DCANP1: variants seen among roughly 807,000 people sequenced by gnomAD.
DCANP1 encodes dendritic cell nuclear protein 1.
For synonymous variants in DCANP1, 139 were observed against 124.2 expected, an observed-to-expected ratio of 1.12 and a Z score of -0.79; for missense variants, 328 against 293.7, an observed-to-expected ratio of 1.12 and a Z score of -0.85.
In DCANP1 at chr5:135,445,638, TGTCTGCAAGGAACTTGAG is replaced by T. The variant is rs1769243186; in HGVS notation, c.*718_*735del. 1.3e-5 allele frequency: 2 copies of T among 152,360 alleles called. No homozygotes were observed. The highest frequency in any genetic ancestry group is 2.9e-5 in the Non-Finnish European group (2 of 68,140). 9.4% of individuals were successfully genotyped at this position (152,360 alleles called of 1,614,324 possible). Reference sequence around the variant, plus strand: ...ACAAGAGCCAACAACCCATGGCCTTTGTCTGCAAGGAACTTGAGGTCTCACCGGGCAGACAGGCACGGA... The same window carrying T: ...ACAAGAGCCAACAACCCATGGCCTTTGTCTCACCGGGCAGACAGGCACGGA... On this transcript the variant is annotated 3_prime_UTR_variant, in exon 1 of 1. Coordinates refer to ENST00000503143, the MANE Select transcript of DCANP1 (RefSeq NM_130848.3).
Position 135,446,223 on chromosome 5 carries a change from G to A in DCANP1, c.*151C>T, listed in dbSNP as rs1020050873. ...ATTCAGTTACTTGTCCAGGATCACA[G>A]AACTATAGTAAGTGGGGGTGGGGAC... is the stretch of plus-strand genomic sequence containing the variant. On this transcript the variant is annotated 3_prime_UTR_variant, in exon 1 of 1. Coordinates refer to ENST00000503143, the MANE Select transcript of DCANP1 (RefSeq NM_130848.3). 3.2e-6 allele frequency: 3 copies of A among 934,676 alleles called. No individual in the cohort carries two copies. The highest frequency in any genetic ancestry group is 4.8e-6 in the Non-Finnish European group (3 of 623,780). 57.9% of individuals were successfully genotyped at this position (934,676 alleles called of 1,614,324 possible).
Position 135,446,932 on chromosome 5 carries a change from A to T in DCANP1, c.177T>A (p.Pro59=). The change falls in exon 1 of 1, where the codon CCT becomes CCA. Residue 59 remains proline (P), a synonymous_variant. Coordinates refer to ENST00000503143, the MANE Select transcript of DCANP1 (RefSeq NM_130848.3). ...FGNELLPLSA[P]LQGLSEGLYP... ...AGAGACCCTCACTGAGGCCCTGGAG[A>T]GGGGCACTCAGGGGCAGCAGCTCAT... 1.9e-6 allele frequency: 3 copies of T among 1,612,570 alleles called. No homozygotes were observed. Among genetic ancestry groups the T allele is most frequent in the Non-Finnish European group, 2.5e-6 (3 of 1,179,246 alleles).
chr5:135,446,546 G>T, the DCANP1 span: 1 of 1,614,026 alleles, frequency 6.2e-7, no homozygotes, highest in Non-Finnish European at 8.5e-7. Flanking sequence ...AGGAGAAAGT[G>T]AAGGTGGGTG....
In DCANP1 at chr5:135,446,308, G is replaced by A. The variant is rs1417179569; in HGVS notation, c.*66C>T. On this transcript the variant is annotated 3_prime_UTR_variant, in exon 1 of 1. Transcript: ENST00000503143. ...GGCCCTAGCTGGGAGCAGCGTTCAT[G>A]TGCACTGTATGTTCGTGTTTAGTGT... 3.3e-6 allele frequency: 5 copies of A among 1,523,640 alleles called. No homozygotes were observed. The highest frequency in any genetic ancestry group is 3.5e-6 in the Non-Finnish European group (4 of 1,134,356). 94.4% of individuals were successfully genotyped at this position (1,523,640 alleles called of 1,614,324 possible).
At position 135,445,416 on chromosome 5, in the gene DCANP1, G is replaced by A. The variant is rs1769238860; in HGVS notation, c.*958C>T. On this transcript the variant is annotated 3_prime_UTR_variant, in exon 1 of 1. Transcript: ENST00000503143. Reference sequence around the variant, plus strand: ...GCAGAGACATTCACCTCCACTTCCTGTCTGCCCATGGCTTCGCGGCCTTCT... The same window carrying A: ...GCAGAGACATTCACCTCCACTTCCTATCTGCCCATGGCTTCGCGGCCTTCT... The A allele has an allele frequency of 6.5e-6, 1 of 152,674 alleles. No individual in the cohort carries two copies. 9.5% of individuals were successfully genotyped at this position (152,674 alleles called of 1,614,324 possible).
At position 135,444,708 on chromosome 5, in the gene DCANP1, C is replaced by T. The variant is rs939978860; in HGVS notation, c.*1666G>A. On this transcript the variant is annotated 3_prime_UTR_variant, in exon 1 of 1. Coordinates refer to ENST00000503143, the MANE Select transcript of DCANP1 (RefSeq NM_130848.3). ...CTCAGTGGGCGGTTGTGGAAAGAAT[C>T]GGTTCTCAGTTCCCATTCCAGCTCT... is the stretch of plus-strand genomic sequence containing the variant. The T allele has an allele frequency of 6.6e-6, 1 of 152,280 alleles. No individual in the cohort carries two copies. Among genetic ancestry groups the T allele is most frequent in the Admixed American group, 6.5e-5 (1 of 15,290 alleles). The allele number at this position is 152,280 out of a possible 1,614,324, so 9.4% of individuals were successfully genotyped here. A position where few individuals can be genotyped will look rare whatever the true frequency, so the allele number is the denominator to read the frequency against.
Position 135,447,239 on chromosome 5 carries a change from C to A in DCANP1, c.-131G>T. The A allele has an allele frequency of 1.8e-6, 2 of 1,109,624 alleles. No individual in the cohort carries two copies. Among genetic ancestry groups the A allele is most frequent in the Non-Finnish European group, 1.3e-6 (1 of 771,294 alleles). The allele number at this position is 1,109,624 out of a possible 1,614,324, so 68.7% of individuals were successfully genotyped here. ...ATACTAACCCTGCCTATTGGACCTT[C>A]TGATGCAAGGAGCAGATTAAAATCC... is the stretch of plus-strand genomic sequence containing the variant. On this transcript the variant is annotated 5_prime_UTR_variant, in exon 1 of 1. Transcript: ENST00000503143.
Position 135,446,945 on chromosome 5 carries a change from G to C in DCANP1, c.164C>G (p.Pro55Arg). Residue 55 changes from proline (P) to arginine (R), a missense_variant, in exon 1 of 1, where the codon CCC becomes CGC. Physicochemically the swap from Pro to Arg is moderately radical, Grantham distance 103. Transcript: ENST00000503143. ...GAGGCCCTGGAGAGGGGCACTCAGG[G>C]GCAGCAGCTCATTCCCAAAGTTCTC... is the stretch of plus-strand genomic sequence containing the variant. ...PPENFGNELL[P>R]LSAPLQGLSE... is the part of the protein sequence containing the mutation. 1 of 1,612,854 alleles carries C rather than the reference G, an allele frequency of 6.2e-7. No individual in the cohort carries two copies. The highest frequency in any genetic ancestry group is 8.5e-7 in the Non-Finnish European group (1 of 1,179,368).
rs1260874074 is a variant in DCANP1 at position 135,444,821 on chromosome 5, T to C, written c.*1553A>G. On this transcript the variant is annotated 3_prime_UTR_variant, in exon 1 of 1. Transcript: ENST00000503143. ...TGTAGTGACCGTCCATTTGAAGGGATAGGGAAATATTCCCTCAGTGTCCTG... is the reference window on the plus strand; with the variant it reads ...TGTAGTGACCGTCCATTTGAAGGGACAGGGAAATATTCCCTCAGTGTCCTG... 3.9e-5 allele frequency: 6 copies of C among 152,266 alleles called. No homozygotes were observed. Among genetic ancestry groups the C allele is most frequent in the African/African-American group, 1.2e-4 (5 of 41,460 alleles). 9.4% of individuals were successfully genotyped at this position (152,266 alleles called of 1,614,324 possible). A position where few individuals can be genotyped will look rare whatever the true frequency, so the allele number is the denominator to read the frequency against.
Position 135,446,884 on chromosome 5 carries a change from G to A in DCANP1, c.225C>T (p.Thr75=). The A allele has an allele frequency of 6.2e-7, 1 of 1,613,826 alleles. No homozygotes were observed. The highest frequency in any genetic ancestry group is 8.5e-7 in the Non-Finnish European group (1 of 1,179,810). ...EGLYPPGRNK[T]LPAGVLREGA... is the part of the protein sequence containing the mutation. ...CCTCTCGCAGGACCCCAGCTGGCAA[G>A]GTTTTGTTCCTCCCTGGAGGGTAGA... The change falls in exon 1 of 1, where the codon ACC becomes ACT. Residue 75 remains threonine (T), a synonymous_variant. Coordinates refer to ENST00000503143, the MANE Select transcript of DCANP1 (RefSeq NM_130848.3).
rs1168667149 is a variant in DCANP1 at position 135,445,940 on chromosome 5, C to T, written c.*434G>A. On this transcript the variant is annotated 3_prime_UTR_variant, in exon 1 of 1. Transcript: ENST00000503143. ...ATTTCTAGATTTCCAGACAATGTCTCAGAGAATTGTAGTGCTCTGGGGTAT... is the reference window on the plus strand; with the variant it reads ...ATTTCTAGATTTCCAGACAATGTCTTAGAGAATTGTAGTGCTCTGGGGTAT... 6.5e-6 allele frequency: 1 copy of T among 154,550 alleles called. No homozygotes were observed. The highest frequency in any genetic ancestry group is 2.4e-5 in the African/African-American group (1 of 41,520). The allele number at this position is 154,550 out of a possible 1,614,324, so 9.6% of individuals were successfully genotyped here.
chr5:135,446,911 A>C lies in DCANP1; in HGVS notation c.198T>G (p.Gly66=). ...TTTTGTTCCTCCCTGGAGGGTAGAGACCCTCACTGAGGCCCTGGAGAGGGG... is the reference window on the plus strand; with the variant it reads ...TTTTGTTCCTCCCTGGAGGGTAGAGCCCCTCACTGAGGCCCTGGAGAGGGG... ...LSAPLQGLSE[G]LYPPGRNKTL... is the part of the protein sequence containing the mutation. The change falls in exon 1 of 1, where the codon GGT becomes GGG. Residue 66 remains glycine (G), a synonymous_variant. Transcript: ENST00000503143. The C allele has an allele frequency of 6.2e-7, 1 of 1,613,136 alleles. No homozygotes were observed. The highest frequency in any genetic ancestry group is 8.5e-7 in the Non-Finnish European group (1 of 1,179,490).
Position 135,446,404 on chromosome 5 carries a change from G to A in DCANP1, c.705C>T (p.Ser235=). The A allele has an allele frequency of 3.1e-6, 5 of 1,608,552 alleles. No homozygotes were observed. The highest frequency in any genetic ancestry group is 1.3e-5 in the African/African-American group (1 of 74,950). ...CAGGCACGTGGGCTGCCCTGCGGTG[G>A]GAGCTGAGAGAATGCAGTGGAGGTT... ...SQQPPLHSLS[S]HRRAAHVPE Residue 235 remains serine, a synonymous_variant, in exon 1 of 1, where the codon TCC becomes TCT. Transcript: ENST00000503143.
Position 135,446,030 on chromosome 5 carries a change from GC to G in DCANP1, c.*343del. 4.9e-6 allele frequency: 1 copy of G among 203,210 alleles called. No individual in the cohort carries two copies. The allele number at this position is 203,210 out of a possible 1,614,324, so 12.6% of individuals were successfully genotyped here. A position where few individuals can be genotyped will look rare whatever the true frequency, so the allele number is the denominator to read the frequency against. The stretch of plus-strand genomic sequence containing the variant: ...GTAGACTGGGTCCATGTGCCTACAT[GC>G]ATTCAGTTCCTCCCACCAAACTGGA... On this transcript the variant is annotated 3_prime_UTR_variant, in exon 1 of 1. Coordinates refer to ENST00000503143, the MANE Select transcript of DCANP1 (RefSeq NM_130848.3).
Position 135,446,937 on chromosome 5 carries a change from C to G in DCANP1, c.172G>C (p.Ala58Pro). 1 of 1,612,660 alleles carries G rather than the reference C, an allele frequency of 6.2e-7. No homozygotes were observed. Among genetic ancestry groups the G allele is most frequent in the South Asian group, 1.1e-5 (1 of 90,856 alleles). ...CCCTCACTGAGGCCCTGGAGAGGGGCACTCAGGGGCAGCAGCTCATTCCCA... is the reference window on the plus strand; with the variant it reads ...CCCTCACTGAGGCCCTGGAGAGGGGGACTCAGGGGCAGCAGCTCATTCCCA... Reference protein sequence around the residue: ...NFGNELLPLSAPLQGLSEGLY... With the variant: ...NFGNELLPLSPPLQGLSEGLY... The change falls in exon 1 of 1, where the codon GCC becomes CCC. Residue 58 changes from alanine (A) to proline (P), a missense_variant. Physicochemically the swap from Ala to Pro is conservative, Grantham distance 27. Coordinates refer to ENST00000503143, the MANE Select transcript of DCANP1 (RefSeq NM_130848.3).
In DCANP1 at chr5:135,446,526, T is replaced by C. The variant is rs1357215423; in HGVS notation, c.583A>G (p.Asn195Asp). 11 of 1,613,844 alleles carry C rather than the reference T, an allele frequency of 6.8e-6. No individual in the cohort carries two copies. The highest frequency in any genetic ancestry group is 9.3e-6 in the Non-Finnish European group (11 of 1,179,882). Residue 195 changes from asparagine to aspartate, a missense_variant, in exon 1 of 1, where the codon AAC (asparagine) becomes GAC (aspartate). Coordinates refer to ENST00000503143, the MANE Select transcript of DCANP1 (RefSeq NM_130848.3). ...HPPSLSPNSW[N>D]RQAGFRAWSS... ...CAGGCCCTGAAGCCAGCCTGACGGT[T>C]CCAGCTGTTAGGAGAAAGTGAAGGT... is the stretch of plus-strand genomic sequence containing the variant.
chr5:135,444,507 G>A lies in DCANP1; in HGVS notation c.*1867C>T, dbSNP rs1351648709. On this transcript the variant is annotated 3_prime_UTR_variant, in exon 1 of 1. Coordinates refer to ENST00000503143, the MANE Select transcript of DCANP1 (RefSeq NM_130848.3). ...CAGCCACCACTACGTGTCACGGGGT[G>A]GATGCTGAGGAAGAGAAAACAGAGC... 1.3e-5 allele frequency: 2 copies of A among 152,362 alleles called. No homozygotes were observed. Among genetic ancestry groups the A allele is most frequent in the East Asian group, 1.9e-4 (1 of 5,196 alleles). 9.4% of individuals were successfully genotyped at this position (152,362 alleles called of 1,614,324 possible). A position where few individuals can be genotyped will look rare whatever the true frequency, so the allele number is the denominator to read the frequency against.
chr5:135,446,903 G>A lies in DCANP1; in HGVS notation c.206C>T (p.Pro69Leu), dbSNP rs1335420457. The change falls in exon 1 of 1, where the codon CCT (proline) becomes CTT (leucine). Residue 69 changes from proline to leucine, a missense_variant. Physicochemically the swap from Pro to Leu is moderately conservative, Grantham distance 98 (BLOSUM62 -3). Coordinates refer to ENST00000503143, the MANE Select transcript of DCANP1 (RefSeq NM_130848.3). ...PLQGLSEGLY[P>L]PGRNKTLPAG... ...TGGCAAGGTTTTGTTCCTCCCTGGAGGGTAGAGACCCTCACTGAGGCCCTG... is the reference window on the plus strand; with the variant it reads ...TGGCAAGGTTTTGTTCCTCCCTGGAAGGTAGAGACCCTCACTGAGGCCCTG... 6.2e-7 allele frequency: 1 copy of A among 1,613,556 alleles called. No individual in the cohort carries two copies.
At position 135,444,291 on chromosome 5, in the gene DCANP1, C is replaced by G. The variant is rs558237424; in HGVS notation, c.*2083G>C. 1 of 152,352 alleles carries G rather than the reference C, an allele frequency of 6.6e-6. No homozygotes were observed. Among genetic ancestry groups the G allele is most frequent in the Non-Finnish European group, 1.5e-5 (1 of 68,042 alleles). 9.4% of individuals were successfully genotyped at this position (152,352 alleles called of 1,614,324 possible). The stretch of plus-strand genomic sequence containing the variant: ...AAAGGTAAGAGGAATCACAGCCCTG[C>G]AATTCAAATAGGGTTCATTAAATTC... On this transcript the variant is annotated 3_prime_UTR_variant, in exon 1 of 1. Transcript: ENST00000503143.
Sources: allele counts gnomAD v4.1 joint callset, GRCh38; gene constraint gnomAD v4.1.1; transcripts MANE v1.5; gene names NCBI Gene and HGNC (gene_info 2026-07-23, HGNC 2026-07-21).